AUTS2: variants seen among roughly 807,000 people sequenced by gnomAD.
AUTS2 encodes the protein autism susceptibility gene 2 protein.
A neutral mutation model predicts 112.4 loss-of-function variants in AUTS2; 17 were observed. The observed-to-expected ratio is 0.15, with a 90% CI of 0.10 to 0.23. The LOEUF (loss-of-function observed/expected upper bound fraction) is 0.23. AUTS2 is among the 10% of genes least tolerant of loss of function. The probability of loss-of-function intolerance (pLI) is 1.00; values close to 1 mark genes in which losing one functional copy is unlikely to be tolerated. For missense variants in AUTS2, 1,510 were observed against 1,701.6 expected, an observed-to-expected ratio of 0.89 and a Z score of 1.98; for synonymous variants, 751 against 702.7, an observed-to-expected ratio of 1.07 and a Z score of -1.09.
chr7:69,893,724 A>G (rs555346545), intron 1 of AUTS2, among the ~76,000 whole-genome samples: 44 of 152,208 alleles, frequency 2.9e-4, no homozygotes, highest in African/African-American at 1.1e-3. Flanking sequence ...ACTTTCTATA[A>G]CCCACTTCAT....
At chr7:70,244,819 A>T (rs1431939920) in intron 4 of AUTS2, among the ~76,000 whole-genome samples, 1 of 152,136 alleles carries the variant, frequency 6.6e-6, no homozygotes, top group African/African-American at 2.4e-5. Context: ...AACTTAACTG[A>T]TAAAAGTAAG....
intron 4 of AUTS2, among the ~76,000 whole-genome samples, chr7:70,172,724 A>G (rs143088314): frequency 6.6e-6 from 1 of 152,280 alleles, no homozygotes; most frequent in East Asian, 1.9e-4. Context: ...AGACAGTGCT[A>G]TTGCCTGCCA....
At chr7:69,738,239 TC>T (rs1787118838) in intron 1 of AUTS2, among the ~76,000 whole-genome samples, 1 of 152,036 alleles carries the variant, frequency 6.6e-6, no homozygotes, top group South Asian at 2.1e-4. Flanking sequence ...ATTTTTTTTT[TC>T]CTTCTCTCCT....
intron 1 of AUTS2, among the ~76,000 whole-genome samples, chr7:69,886,309 C>G (rs192423343): frequency 1.3e-5 from 2 of 152,316 alleles, no homozygotes; most frequent in African/African-American, 4.8e-5. Context: ...AGGAAGTTGA[C>G]AACAGTTTCT....
chr7:70,069,708 GTTTT>G (rs5884773), intron 2 of AUTS2, among the ~76,000 whole-genome samples: 2 of 139,406 alleles, frequency 1.4e-5, no homozygotes, highest in Non-Finnish European at 3.1e-5. Flanking sequence ...GGTTTTTTTT[GTTTT>G]TTTTTTTTTC....
At chr7:70,789,542 C>T (rs1000924294) in intron 18 of AUTS2, among the ~76,000 whole-genome samples, 10 of 152,068 alleles carry the variant, frequency 6.6e-5, no homozygotes, top group African/African-American at 9.7e-5. Flanking sequence ...GGTCCATCTC[C>T]CCCATTAAGC....
At chr7:69,630,582 T>C (rs749581862) in intron 1 of AUTS2, among the ~76,000 whole-genome samples, 12 of 152,262 alleles carry the variant, frequency 7.9e-5, no homozygotes, top group Non-Finnish European at 7.3e-5. Flanking sequence ...GTCTGGTATT[T>C]AACAGTTTGT....
chr7:70,220,525 A>ATGG (rs1811419918), intron 4 of AUTS2, among the ~76,000 whole-genome samples: 1 of 152,222 alleles, frequency 6.6e-6, no homozygotes, highest in African/African-American at 2.4e-5. Flanking sequence ...TAGATGTTAA[A>ATGG]TGGTGTCCCT....
At chr7:69,754,627 C>T (rs898392458) in intron 1 of AUTS2, among the ~76,000 whole-genome samples, 2 of 152,070 alleles carry the variant, frequency 1.3e-5, no homozygotes, top group East Asian at 3.9e-4. Context: ...CTATTTAGGT[C>T]ATCTCCAGTG....
At chr7:70,364,266 T>TA (rs200071116) in intron 4 of AUTS2, among the ~76,000 whole-genome samples, 159 of 145,696 alleles carry the variant, frequency 1.1e-3, no homozygotes, top group Non-Finnish European at 1.9e-3. Context: ...AATAGAAGCT[T>TA]AAAAAAAAAA....
At chr7:70,657,725 T>C (rs958522918) in intron 5 of AUTS2, among the ~76,000 whole-genome samples, 9 of 152,186 alleles carry the variant, frequency 5.9e-5, no homozygotes, top group African/African-American at 2.2e-4. Flanking sequence ...CAGGGCTTTT[T>C]TTCCATCCCT....
chr7:70,511,378 A>G (rs1288317917), intron 5 of AUTS2, among the ~76,000 whole-genome samples: 1 of 150,978 alleles, frequency 6.6e-6, no homozygotes. Flanking sequence ...TTACTTGGAT[A>G]CTTTGGCCCT....
chr7:70,318,335 G>A (rs941394194), intron 4 of AUTS2, among the ~76,000 whole-genome samples: 18 of 152,070 alleles, frequency 1.2e-4, no homozygotes, highest in Admixed American at 1.2e-3. Context: ...GGCTAGAGGA[G>A]GAGGAGATGA....
intron 1 of AUTS2, among the ~76,000 whole-genome samples, chr7:69,730,081 A>G (rs985634776): frequency 7.3e-6 from 1 of 137,048 alleles, no homozygotes; most frequent in Admixed American, 7.8e-5. Context: ...GCTCAAAGTG[A>G]TACTCCCACC....
intron 1 of AUTS2, among the ~76,000 whole-genome samples, chr7:69,783,088 CTTTTTTTTTT>C (rs398047755): frequency 7.0e-5 from 6 of 85,120 alleles, no homozygotes; most frequent in East Asian, 3.8e-4. Context: ...TGCTGCTCAT[CTTTTTTTTTT>C]TTTTTTTTTT....
intron 1 of AUTS2, among the ~76,000 whole-genome samples, chr7:69,613,226 T>C: frequency 6.6e-6 from 1 of 152,190 alleles, no homozygotes; most frequent in East Asian, 1.9e-4. Context: ...GGCCACATGG[T>C]CTCTAGTAGA....
chr7:70,541,750 G>A (rs1343900123), intron 5 of AUTS2, among the ~76,000 whole-genome samples: 1 of 152,220 alleles, frequency 6.6e-6, no homozygotes, highest in African/African-American at 2.4e-5. Context: ...GCACAAAAGA[G>A]GGGAACTGCA....
At chr7:70,534,997 A>G (rs1043289629) in intron 5 of AUTS2, among the ~76,000 whole-genome samples, 1 of 151,516 alleles carries the variant, frequency 6.6e-6, no homozygotes, top group East Asian at 1.9e-4. Context: ...GAATTTTTTT[A>G]AAGTATGAAT....
chr7:70,674,497 G>A (rs1247585452), intron 5 of AUTS2, among the ~76,000 whole-genome samples: 2 of 152,194 alleles, frequency 1.3e-5, no homozygotes, highest in African/African-American at 4.8e-5. Context: ...GGGAGCGAGG[G>A]AGTGAGGGTG....
Sources: allele counts gnomAD v4.1 joint callset (sites outside exome capture counted in the v4.1 genomes callset), GRCh38; gene constraint gnomAD v4.1.1; transcripts MANE v1.5; gene names NCBI Gene and HGNC (gene_info 2026-07-23, HGNC 2026-07-21).